Variants in ACADM observed in about 807,000 individuals in gnomAD.
The protein encoded by ACADM is medium-chain specific acyl-CoA dehydrogenase, mitochondrial.
In ACADM, 49 loss-of-function variants were observed where a neutral mutation model predicts 58.9. The observed-to-expected ratio is 0.83, with a 90% CI of 0.66 to 1.06. ACADM has a LOEUF of 1.06. Ranked by LOEUF, ACADM falls within the 50% of genes least tolerant of loss-of-function variation. The pLI is 0.00. For missense variants in ACADM, 496 were observed against 507.0 expected, an observed-to-expected ratio of 0.98 and a Z score of 0.21; for synonymous variants, 160 against 157.7, an observed-to-expected ratio of 1.01 and a Z score of -0.11.
intron 10 of ACADM, among the ~76,000 whole-genome samples, chr1:75,754,781 C>A (rs1228204824): frequency 6.6e-6 from 1 of 152,222 alleles, no homozygotes; most frequent in East Asian, 1.9e-4. Flanking sequence ...TGGGCGCAGC[C>A]CACAGAGCAT....
intron 10 of ACADM, chr1:75,750,855 T>A: frequency 2.5e-6 from 1 of 400,232 alleles, no homozygotes; most frequent in Non-Finnish European, 4.7e-6. Context: ...TTCGAGTAAT[T>A]CTCCTGCCTC....
Position 75,740,062 on chromosome 1 carries a change from T to C in ACADM, c.551T>C (p.Ile184Thr). Residue 184 changes from isoleucine (I) to threonine (T), a missense_variant, in exon 7 of 12, where the codon ATT (isoleucine) becomes ACT (threonine). Transcript: ENST00000370841. ...GCAGAAAAGAAAGGAGATGAGTATATTATTAATGGTCAGAAGATGTGGATA... is the reference window on the plus strand; with the variant it reads ...GCAGAAAAGAAAGGAGATGAGTATACTATTAATGGTCAGAAGATGTGGATA... ...TKAEKKGDEY[I>T]INGQKMWITN... The C allele has an allele frequency of 1.9e-6, 3 of 1,612,582 alleles. No individual in the cohort carries two copies. The highest frequency in any genetic ancestry group is 2.5e-6 in the Non-Finnish European group (3 of 1,178,898).
chr1:75,743,972 C>G, intron 7 of ACADM: 1 of 1,555,814 alleles, frequency 6.4e-7, no homozygotes, highest in Non-Finnish European at 8.9e-7. Context: ...TTCAAAAAAG[C>G]CTCTTTGTGC....
intron 1 of ACADM, 150 bp downstream of exon 1, chr1:75,724,967 A>G: frequency 1.6e-6 from 1 of 614,568 alleles, no homozygotes; most frequent in Middle Eastern, 4.9e-4. Flanking sequence ...ACCTGCTTTC[A>G]CGCCTCCTAC....
chr1:75,730,565 A>G (rs527489931), intron 2 of ACADM, among the ~76,000 whole-genome samples: 10 of 150,820 alleles, frequency 6.6e-5, no homozygotes, highest in African/African-American at 2.4e-4. Flanking sequence ...TTTAAGAGAC[A>G]GGGTTTCACT....
At chr1:75,757,763 G>A (rs12032051) in intron 10 of ACADM, among the ~76,000 whole-genome samples, 33,925 of 152,128 alleles carry the variant, frequency 0.22, 5,202 homozygotes, top group East Asian at 0.68. Flanking sequence ...GACCAAAGAT[G>A]TAGGAGGATT....
intron 1 of ACADM, among the ~76,000 whole-genome samples, chr1:75,726,350 C>T (rs1440992805): frequency 8.2e-6 from 1 of 121,520 alleles, no homozygotes; most frequent in Non-Finnish European, 1.6e-5. Flanking sequence ...GCCTGGGTGA[C>T]AGAGGGAGAC....
chr1:75,761,100 A>C (rs1195537858), intron 10 of ACADM, 22 bp from the exon 11 acceptor site: 2 of 1,607,302 alleles, frequency 1.2e-6, no homozygotes, highest in Non-Finnish European at 1.7e-6. Context: ...ATATCCTTTA[A>C]TTTTTTTCTT....
chr1:75,749,648 G>A (rs944290854), intron 9 of ACADM, 89 bp downstream of exon 9: 3 of 1,161,622 alleles, frequency 2.6e-6, no homozygotes, highest in Admixed American at 2.4e-5. Flanking sequence ...TGTTCAGTGT[G>A]TTTCTCTTTT....
At chr1:75,737,309 T>TATATAC (rs1171584679) in intron 6 of ACADM, among the ~76,000 whole-genome samples, 1 of 105,086 alleles carries the variant, frequency 9.5e-6, no homozygotes, top group African/African-American at 3.4e-5. Context: ...TATATATATA[T>TATATAC]ATATATATAT....
chr1:75,757,641 A>G (rs1204079841), intron 10 of ACADM, among the ~76,000 whole-genome samples: 1 of 152,240 alleles, frequency 6.6e-6, no homozygotes, highest in Non-Finnish European at 1.5e-5. Flanking sequence ...TGTGGAAGAC[A>G]GTGTGGCAAT....
At chr1:75,746,706 ATCCCACCTCAGCCTCCTG>A (rs1647924687) in intron 8 of ACADM, among the ~76,000 whole-genome samples, 1 of 151,014 alleles carries the variant, frequency 6.6e-6, no homozygotes, top group African/African-American at 2.4e-5. Flanking sequence ...TCAAACAATC[ATCCCACCTCAGCCTCCTG>A]AGTGGCTAGG....
intron 10 of ACADM, among the ~76,000 whole-genome samples, chr1:75,757,466 C>T (rs1289059544): frequency 3.3e-5 from 5 of 152,186 alleles, no homozygotes; most frequent in Non-Finnish European, 7.3e-5. Context: ...TGCTCATCAT[C>T]ACTGGCCATC....
chr1:75,744,040 G>A lies in ACADM; in HGVS notation c.600-1766G>A, dbSNP rs1647740728. Reference sequence around the variant, plus strand: ...AATCTCATTAAAAATTGTCAGCATTGGCACATGTATTCTGGGCCTCCTTCA... The same window carrying A: ...AATCTCATTAAAAATTGTCAGCATTAGCACATGTATTCTGGGCCTCCTTCA... On this transcript the variant is annotated intron_variant, in intron 7 of 11. Transcript: ENST00000370841. 7 of 1,583,650 alleles carry A rather than the reference G, an allele frequency of 4.4e-6. No individual in the cohort carries two copies. In the Admixed American group the frequency reaches 6.7e-5, roughly 15 times the overall value.
chr1:75,733,724 A>G, intron 5 of ACADM, 96 bp downstream of exon 5: 1 of 1,017,216 alleles, frequency 9.8e-7, no homozygotes, highest in Non-Finnish European at 1.6e-6. Flanking sequence ...AAAAAAGGAA[A>G]GTCAGTTACT....
intron 1 of ACADM, among the ~76,000 whole-genome samples, 159 bp downstream of exon 1, chr1:75,724,976 A>G (rs1020054294): frequency 2.0e-5 from 3 of 152,048 alleles, no homozygotes; most frequent in Admixed American, 2.0e-4. Flanking sequence ...CACGCCTCCT[A>G]CCACCGGACG....
At chr1:75,755,545 G>A (rs1264830421) in intron 10 of ACADM, among the ~76,000 whole-genome samples, 3 of 152,212 alleles carry the variant, frequency 2.0e-5, no homozygotes, top group South Asian at 2.1e-4. Context: ...GCAGCTGAGG[G>A]TCCTGACTGA....
chr1:75,743,193 A>G (rs1195381658), intron 7 of ACADM, among the ~76,000 whole-genome samples: 1 of 152,076 alleles, frequency 6.6e-6, no homozygotes, highest in Non-Finnish European at 1.5e-5. Context: ...CTCAAGCCTA[A>G]GGAATTAAGA....
At chr1:75,739,922 C>T (rs1010952063) in intron 6 of ACADM, 58 bp from the exon 7 acceptor site, 61 of 1,287,324 alleles carry the variant, frequency 4.7e-5, no homozygotes, top group Non-Finnish European at 4.7e-5. Flanking sequence ...TGTTTCCAAA[C>T]AGTCAAAATT....
Sources: gnomAD v4.1 joint callset for allele counts (sites outside exome capture counted in the v4.1 genomes callset) on GRCh38, gnomAD v4.1.1 for gene constraint, MANE v1.5 for transcripts, NCBI Gene and HGNC (gene_info 2026-07-23, HGNC 2026-07-21) for gene names.